CRTAC1: variants seen among roughly 807,000 people sequenced by gnomAD.
CRTAC1 encodes the protein cartilage acidic protein 1, also known as acidic secreted protein in cartilage.
CRTAC1 carries 37 observed loss-of-function variants against 67.8 expected under a neutral mutation model. That is an observed-to-expected ratio of 0.55 (90% confidence interval 0.42 to 0.72). CRTAC1 has a LOEUF of 0.72. Ranked by LOEUF, CRTAC1 falls within the 30% of genes least tolerant of loss-of-function variation. CRTAC1 has a pLI of 0.00. For synonymous variants in CRTAC1, 348 were observed against 371.0 expected (o/e 0.94, Z 0.71); for missense variants, 780 against 931.6 (o/e 0.84, Z 2.12).
chr10:97,869,475 A>G (rs896189399), intron 14 of CRTAC1: 2 of 152,688 alleles, frequency 1.3e-5, no homozygotes, highest in African/African-American at 4.8e-5. Flanking sequence ...CCGAGGTCCC[A>G]AGTGAGGCCC....
intron 2 of CRTAC1, among the ~76,000 whole-genome samples, chr10:97,960,259 C>A (rs1173429210): frequency 6.6e-6 from 1 of 152,212 alleles, no homozygotes; most frequent in Non-Finnish European, 1.5e-5. Context: ...CATTGTTTGG[C>A]ACACAGTATT....
chr10:97,923,466 T>C (rs1032794569), intron 3 of CRTAC1, 66 bp from the exon 4 acceptor site: 3 of 1,596,896 alleles, frequency 1.9e-6, no homozygotes, highest in Middle Eastern at 1.7e-4. Flanking sequence ...GATCTCTGGG[T>C]ATGTCTCATG....
rs777751270 is a variant in CRTAC1 at position 97,882,768 on chromosome 10, T to C, written c.1675+18A>G. 4.3e-6 allele frequency: 7 copies of C among 1,613,906 alleles called. No individual in the cohort carries two copies. The South Asian group carries it at 7.7e-5, about 18-fold the overall frequency. On this transcript the variant is annotated intron_variant, in intron 13 of 14. Coordinates refer to ENST00000370597, the MANE Select transcript of CRTAC1 (RefSeq NM_018058.7). ...TTCCGGCCTCTACCCCATGCCCTGG[T>C]GACTGAAGGCAACTCACCCATGCAA... is the stretch of plus-strand genomic sequence containing the variant.
chr10:97,956,930 C>T (rs1229188875), intron 2 of CRTAC1, among the ~76,000 whole-genome samples: 1 of 151,942 alleles, frequency 6.6e-6, no homozygotes, highest in African/African-American at 2.4e-5. Flanking sequence ...CCTCAGCCTC[C>T]CAGGTGTTTG....
chr10:98,028,438 G>C (rs1290435875), intron 1 of CRTAC1, among the ~76,000 whole-genome samples: 1 of 152,206 alleles, frequency 6.6e-6, no homozygotes, highest in Non-Finnish European at 1.5e-5. Context: ...GGGAGCGCTT[G>C]AGCATGAGAG....
intron 1 of CRTAC1, among the ~76,000 whole-genome samples, chr10:98,023,279 AG>A (rs1454052783): frequency 6.6e-6 from 1 of 152,126 alleles, no homozygotes; most frequent in African/African-American, 2.4e-5. Context: ...GGACCTTTGG[AG>A]GTTTACATAG....
At chr10:97,997,057 G>A (rs2136678971) in intron 2 of CRTAC1, among the ~76,000 whole-genome samples, 1 of 137,462 alleles carries the variant, frequency 7.3e-6, no homozygotes, top group South Asian at 2.4e-4. Flanking sequence ...GACACAGGAA[G>A]GGGAACATCA....
chr10:97,950,637 G>A (rs12146399), intron 2 of CRTAC1, among the ~76,000 whole-genome samples: 3,414 of 152,286 alleles, frequency 0.022, 51 homozygotes, highest in South Asian at 0.044. Context: ...GTGAAGGGTA[G>A]GGCTATCATA....
chr10:97,876,749 C>T (rs937632964), intron 14 of CRTAC1, among the ~76,000 whole-genome samples: 3 of 152,028 alleles, frequency 2.0e-5, no homozygotes, highest in Non-Finnish European at 2.9e-5. Context: ...CAGGAGGGGA[C>T]GGAACGGTTT....
chr10:97,972,977 A>G (rs925016274), intron 2 of CRTAC1, among the ~76,000 whole-genome samples: 13 of 152,148 alleles, frequency 8.5e-5, no homozygotes, highest in African/African-American at 3.1e-4. Flanking sequence ...GTCAAGTGTA[A>G]TTGTGCATTT....
intron 3 of CRTAC1, among the ~76,000 whole-genome samples, chr10:97,934,040 T>C (rs2051043658): frequency 6.6e-6 from 1 of 152,156 alleles, no homozygotes; most frequent in African/African-American, 2.4e-5. Context: ...GCTTCAGAGA[T>C]AGATACCTGG....
At chr10:97,907,748 C>T (rs912096475) in intron 6 of CRTAC1, among the ~76,000 whole-genome samples, 17 of 152,170 alleles carry the variant, frequency 1.1e-4, no homozygotes, top group East Asian at 1.9e-4. Flanking sequence ...TGGAGGGTCG[C>T]GGGCAATCTC....
At chr10:97,969,302 T>C (rs941513414) in intron 2 of CRTAC1, among the ~76,000 whole-genome samples, 4 of 152,098 alleles carry the variant, frequency 2.6e-5, no homozygotes, top group East Asian at 3.9e-4. Context: ...GAAGAGTAGA[T>C]TGGCAAAGCT....
intron 5 of CRTAC1, among the ~76,000 whole-genome samples, chr10:97,911,223 C>T (rs964028967): frequency 1.3e-5 from 2 of 152,252 alleles, no homozygotes; most frequent in African/African-American, 4.8e-5. Context: ...ATCCTTCTTC[C>T]TCCGCTTCCA....
intron 3 of CRTAC1, among the ~76,000 whole-genome samples, chr10:97,924,724 C>G (rs1011777680): frequency 6.6e-6 from 1 of 152,188 alleles, no homozygotes. Flanking sequence ...AAAGTGGTAG[C>G]TATTTTTCGA....
Position 97,992,560 on chromosome 10 carries a change from A to G in CRTAC1, c.224+18578T>C, listed in dbSNP as rs545832364. On this transcript the variant is annotated intron_variant, in intron 2 of 14. Coordinates refer to ENST00000370597, the MANE Select transcript of CRTAC1 (RefSeq NM_018058.7). Reference sequence around the variant, plus strand: ...AATCAACCTAAGTGTCAATCAATGGATGAATGGATAAAGAAAATGTGATAA... The same window carrying G: ...AATCAACCTAAGTGTCAATCAATGGGTGAATGGATAAAGAAAATGTGATAA... 8.5e-5 allele frequency among the ~76,000 whole-genome samples: 13 copies of G among 152,344 alleles called. No homozygotes were observed. The East Asian group carries it at 2.5e-3, about 29-fold the overall frequency.
intron 6 of CRTAC1, among the ~76,000 whole-genome samples, chr10:97,905,115 C>T (rs988519344): frequency 6.6e-6 from 1 of 152,126 alleles, no homozygotes; most frequent in African/African-American, 2.4e-5. Flanking sequence ...GGGGGAAATT[C>T]TGGAGGACCA....
At chr10:97,951,619 T>C (rs2051357060) in intron 2 of CRTAC1, among the ~76,000 whole-genome samples, 1 of 152,242 alleles carries the variant, frequency 6.6e-6, no homozygotes, top group African/African-American at 2.4e-5. Flanking sequence ...CATTTATTTC[T>C]TTGAAGTGCT....
intron 1 of CRTAC1, among the ~76,000 whole-genome samples, chr10:98,014,789 A>T (rs949402346): frequency 6.6e-6 from 1 of 152,346 alleles, no homozygotes; most frequent in South Asian, 2.1e-4. Flanking sequence ...AAAAAACAAA[A>T]ACAGAAAAAA....
Sources: allele counts gnomAD v4.1 joint callset (sites outside exome capture counted in the v4.1 genomes callset), GRCh38; gene constraint gnomAD v4.1.1; transcripts MANE v1.5; gene names NCBI Gene and HGNC (gene_info 2026-07-23, HGNC 2026-07-21).